Variants in CCDC33 observed in about 807,000 individuals in gnomAD.
CCDC33 encodes the protein coiled-coil domain-containing protein 33.
Under a neutral mutation model 91.9 loss-of-function variants are expected in CCDC33, and 94 were observed. The observed-to-expected ratio is 1.02, with a 90% CI of 0.87 to 1.21. The LOEUF (loss-of-function observed/expected upper bound fraction) is 1.21, where lower values mean the gene tolerates loss of function less well. Ranked by LOEUF, CCDC33 falls within the 50% of genes most tolerant of loss-of-function variation. CCDC33 has a pLI of 0.00. For missense variants in CCDC33, 940 were observed against 935.5 expected, an observed-to-expected ratio of 1.00 and a Z score of -0.06; for synonymous variants, 396 against 374.5, an observed-to-expected ratio of 1.06 and a Z score of -0.66.
chr15:74,296,758 C>T (rs2059695834), intron 11 of CCDC33, among the ~76,000 whole-genome samples: 2 of 152,150 alleles, frequency 1.3e-5, no homozygotes, highest in African/African-American at 4.8e-5. Flanking sequence ...GTGGAGGTGG[C>T]CAAAGTGACA....
intron 2 of CCDC33, among the ~76,000 whole-genome samples, chr15:74,227,984 G>A (rs1041370059): frequency 1.3e-5 from 2 of 152,158 alleles, no homozygotes; most frequent in Non-Finnish European, 2.9e-5. Flanking sequence ...CTTGGAGGCG[G>A]GGGTGGGGGG....
At chr15:74,301,808 C>T (rs2059799582) in intron 11 of CCDC33, 1 of 152,154 alleles carries the variant, frequency 6.6e-6, no homozygotes, top group South Asian at 2.1e-4. Flanking sequence ...CTTCCCTCCT[C>T]TTCCTGTCTC....
chr15:74,295,918 A>C lies in CCDC33; in HGVS notation c.1260A>C (p.Glu420Asp). Residue 420 changes from glutamate to aspartate, a missense_variant, in exon 11 of 19, where the codon GAA becomes GAC. Physicochemically the swap from Glu to Asp is conservative, Grantham distance 45. Coordinates refer to ENST00000398814, the MANE Select transcript of CCDC33 (RefSeq NM_025055.5). ...CCACTCCACGAGAAGCAGAGGAGGA[A>C]CCTCTGGTGCCTGAGATGTCCCATG... The part of the protein sequence containing the change: ...STSTPREAEE[E>D]PLVPEMSHDT... The C allele has an allele frequency of 6.2e-7, 1 of 1,613,542 alleles. No homozygotes were observed. Among genetic ancestry groups the C allele is most frequent in the Middle Eastern group, 1.7e-4 (1 of 6,050 alleles).
intron 1 of CCDC33, among the ~76,000 whole-genome samples, chr15:74,205,522 C>A (rs1192698975): frequency 6.6e-6 from 1 of 152,150 alleles, no homozygotes; most frequent in East Asian, 1.9e-4. Flanking sequence ...GGGCACCAAG[C>A]CATTCAGGAG....
chr15:74,310,667 C>G (rs1024876411), intron 11 of CCDC33, among the ~76,000 whole-genome samples: 29 of 152,302 alleles, frequency 1.9e-4, no homozygotes, highest in Admixed American at 7.8e-4. Context: ...CCAGGAAGCC[C>G]CCTCCCTTCA....
intron 5 of CCDC33, among the ~76,000 whole-genome samples, chr15:74,271,281 G>A (rs1035229451): frequency 4.6e-5 from 7 of 152,094 alleles, no homozygotes; most frequent in African/African-American, 1.7e-4. Context: ...ACAGCCCTGG[G>A]AGGAGCCTCA....
At chr15:74,220,800 T>TGAC (rs1487465140) in intron 2 of CCDC33, among the ~76,000 whole-genome samples, 1 of 152,138 alleles carries the variant, frequency 6.6e-6, no homozygotes, top group African/African-American at 2.4e-5. Context: ...ATCATAACCC[T>TGAC]GACGACAGGG....
rs55820464 is a variant in CCDC33 at position 74,223,723 on chromosome 15, T to TACACACACACACACAC, written c.675+4889_675+4904dup. On this transcript the variant is annotated intron_variant, in intron 2 of 2. Coordinates refer to the CCDC33 transcript ENST00000635913. ...GCTGAGGCTGTGCCCACCGCCAGCA[T>TACACACACACACACAC]ACACACACACACACACACACACACA... Among the ~76,000 whole-genome samples, 50 of 112,266 alleles carry TACACACACACACACAC rather than the reference T, an allele frequency of 4.5e-4. 1 individual carries two copies. Among genetic ancestry groups the TACACACACACACACAC allele is most frequent in the African/African-American group, 1.3e-3 (40 of 31,468 alleles). The allele number at this position is 112,266 out of a possible 152,430, so 73.7% of individuals were successfully genotyped here. A position where few individuals can be genotyped will look rare whatever the true frequency, so the allele number is the denominator to read the frequency against.
intron 11 of CCDC33, chr15:74,311,719 C>T (rs2059997272): frequency 6.6e-6 from 1 of 152,036 alleles, no homozygotes; most frequent in African/African-American, 2.4e-5. Context: ...TTCTAAGAGT[C>T]GGTATCATAG....
chr15:74,248,961 G>C (rs1483882143), intron 2 of CCDC33, among the ~76,000 whole-genome samples: 1 of 152,112 alleles, frequency 6.6e-6, no homozygotes, highest in Non-Finnish European at 1.5e-5. Flanking sequence ...GTGGTCCATT[G>C]CCAAGACAAA....
At chr15:74,224,736 G>A (rs2074732460) in intron 2 of CCDC33, among the ~76,000 whole-genome samples, 1 of 152,236 alleles carries the variant, frequency 6.6e-6, no homozygotes, top group South Asian at 2.1e-4. Flanking sequence ...AAGATGAAAT[G>A]AGCTAGTGTA....
rs752735258 is a variant in CCDC33 at position 74,218,481 on chromosome 15, G to C, written c.311-16G>C. The C allele has an allele frequency of 2.4e-6, 3 of 1,268,850 alleles. No homozygotes were observed. The African/African-American group carries it at 4.6e-5, about 19-fold the overall frequency. The allele number at this position is 1,268,850 out of a possible 1,614,324, so 78.6% of individuals were successfully genotyped here. ...AAACCTGAGACCATCTCTGAGCCCT[G>C]TGTTCCCTCATCCAGGTTTCTGCAA... On this transcript the variant is annotated splice_polypyrimidine_tract_variant and intron_variant, in intron 1 of 2. Transcript: ENST00000635913. This position sits in a 1 kb window ranked among gnomAD's most constrained non-coding sequence, Gnocchi z 4.8.
In CCDC33 at chr15:74,236,519, C is replaced by T. The variant is rs562180921; in HGVS notation, c.-201C>T. ...ACCTGCTCCCACCTGGCCACCCTCC[C>T]CCTCCCCCCACATCCAGGCCCCAGG... On this transcript the variant is annotated 5_prime_UTR_variant, in exon 1 of 19. Coordinates refer to ENST00000398814, the MANE Select transcript of CCDC33 (RefSeq NM_025055.5). 7.3e-5 allele frequency: 30 copies of T among 410,050 alleles called. No individual in the cohort carries two copies. Among genetic ancestry groups the T allele is most frequent in the Non-Finnish European group, 1.2e-4 (27 of 222,932 alleles). 25.4% of individuals were successfully genotyped at this position (410,050 alleles called of 1,614,324 possible). A position where few individuals can be genotyped will look rare whatever the true frequency, so the allele number is the denominator to read the frequency against.
At position 74,225,117 on chromosome 15, in the gene CCDC33, CGTGTGTGT is replaced by C. The variant is rs3057568; in HGVS notation, c.675+6288_675+6295del. On this transcript the variant is annotated intron_variant, in intron 2 of 2. Coordinates refer to the CCDC33 transcript ENST00000635913. The stretch of plus-strand genomic sequence containing the variant: ...GACGCTGACTCACACCTCCTGGAGG[CGTGTGTGT>C]GTGTGTGTGTGTGTGTGTGTGTGTG... Among the ~76,000 whole-genome samples the C allele has an allele frequency of 6.6e-3, 921 of 139,940 alleles. 10 individuals are homozygous for C. Among genetic ancestry groups the C allele is most frequent in the African/African-American group, 0.023 (836 of 36,550 alleles). 91.8% of individuals were successfully genotyped at this position (139,940 alleles called of 152,430 possible). A position where few individuals can be genotyped will look rare whatever the true frequency, so the allele number is the denominator to read the frequency against.
upstream of CCDC33, among the ~76,000 whole-genome samples, chr15:74,216,023 G>A (rs1396490729): frequency 6.6e-6 from 1 of 152,214 alleles, no homozygotes. Flanking sequence ...TGCAGGGGAT[G>A]GGGCCAGGAT....
intron 2 of CCDC33, among the ~76,000 whole-genome samples, chr15:74,211,393 CTTTT>C (rs34963230): frequency 2.7e-5 from 2 of 73,890 alleles, no homozygotes; most frequent in East Asian, 4.3e-4. Flanking sequence ...CTGCCCCTGG[CTTTT>C]TTTTTTTTTT....
At chr15:74,207,757 C>A in intron 1 of CCDC33, 2 of 1,535,724 alleles carry the variant, frequency 1.3e-6, no homozygotes, top group East Asian at 2.4e-5. Context: ...CAACCTCATG[C>A]GGGCCCGTGA....
chr15:74,252,219 G>T lies in CCDC33; in HGVS notation c.185+8071G>T, dbSNP rs568635427. Among the ~76,000 whole-genome samples, 4 of 152,300 alleles carry T rather than the reference G, an allele frequency of 2.6e-5. No individual in the cohort carries two copies. In the South Asian group the frequency reaches 8.3e-4, roughly 32 times the overall value. ...GATGCTAACCCAGACTTCCAGAGAA[G>T]ATGCAGTGACTAGTGTGGAGACCCA... is the stretch of plus-strand genomic sequence containing the variant. On this transcript the variant is annotated intron_variant, in intron 2 of 18. Coordinates refer to ENST00000398814, the MANE Select transcript of CCDC33 (RefSeq NM_025055.5).
At chr15:74,231,667 A>G (rs2074975277), upstream of CCDC33, among the ~76,000 whole-genome samples, 1 of 152,186 alleles carries the variant, frequency 6.6e-6, no homozygotes, top group African/African-American at 2.4e-5. Flanking sequence ...GCCGCCTCAA[A>G]GCCGTGTGAC....
Sources: allele counts gnomAD v4.1 joint callset (sites outside exome capture counted in the v4.1 genomes callset), GRCh38; gene constraint gnomAD v4.1.1; non-coding constraint Gnocchi (gnomAD v3.1); transcripts MANE v1.5; gene names NCBI Gene and HGNC (gene_info 2026-07-23, HGNC 2026-07-21).